The following RIC1 variants were observed in gnomAD, a reference collection of about 807,000 sequenced individuals.
RIC1 encodes the protein guanine nucleotide exchange factor subunit RIC1.
RIC1 carries 88 observed loss-of-function variants against 169.0 expected under a neutral mutation model. The observed-to-expected ratio is 0.52, with a 90% CI of 0.44 to 0.62. RIC1 has a LOEUF of 0.62. Ranked by LOEUF, RIC1 falls within the 20% of genes least tolerant of loss-of-function variation. The pLI is 0.00. For synonymous variants in RIC1, 790 were observed against 601.5 expected (o/e 1.31, Z -4.59); for missense variants, 1,877 against 1,725.5 (o/e 1.09, Z -1.56).
chr9:5,743,602 C>T (rs762685398), intron 9 of RIC1, 87 bp from the exon 10 acceptor site: 29 of 1,053,012 alleles, frequency 2.8e-5, no homozygotes, highest in South Asian at 4.3e-5. Context: ...GAGCAAAATC[C>T]GTTTGATTTT....
chr9:5,691,880 A>G (rs1026349336), intron 3 of RIC1, among the ~76,000 whole-genome samples: 3 of 152,050 alleles, frequency 2.0e-5, no homozygotes, highest in Non-Finnish European at 4.4e-5. Flanking sequence ...TCAGTTCACT[A>G]ATACCATTAC....
intron 1 of RIC1, among the ~76,000 whole-genome samples, chr9:5,630,668 G>C (rs1817674564): frequency 6.6e-6 from 1 of 152,064 alleles, no homozygotes; most frequent in African/African-American, 2.4e-5. Context: ...ATGCAAATCA[G>C]AACAAAACAA....
chr9:5,767,548 G>T (rs925896533), intron 21 of RIC1, among the ~76,000 whole-genome samples: 1 of 151,252 alleles, frequency 6.6e-6, no homozygotes. Context: ...TGGGCACATA[G>T]TGAGAGCTTA....
At chr9:5,717,327 T>C (rs931109810) in intron 4 of RIC1, among the ~76,000 whole-genome samples, 3 of 152,126 alleles carry the variant, frequency 2.0e-5, no homozygotes. Context: ...TCTAGGGAGA[T>C]AGGGTTAGGG....
At chr9:5,694,660 CT>C (rs1821783781) in intron 3 of RIC1, among the ~76,000 whole-genome samples, 2 of 152,206 alleles carry the variant, frequency 1.3e-5, no homozygotes, top group African/African-American at 4.8e-5. Flanking sequence ...ATTGGCCACA[CT>C]TCCAAGGATG....
Position 5,762,591 on chromosome 9 carries a change from G to A in RIC1, c.2043G>A (p.Met681Ile). 6.2e-7 allele frequency: 1 copy of A among 1,614,050 alleles called. No individual in the cohort carries two copies. Residue 681 changes from methionine (M) to isoleucine (I), a missense_variant, in exon 18 of 26, where the codon ATG becomes ATA. By Grantham distance (10) the Met-to-Ile change is conservative (BLOSUM62 1). Around this residue, in one of 3 missense-constraint regions of RIC1, gnomAD observed 1,104 missense variants for 992.0 expected, o/e 1.11. Coordinates refer to ENST00000414202, the MANE Select transcript of RIC1 (RefSeq NM_020829.4). ...TAAACCTGGCAGGACAGCTCATCAT[G>A]ATGCAGAGGGACAGGTCAGGCCCAC... is the stretch of plus-strand genomic sequence containing the variant. The part of the protein sequence containing the change: ...IMLNLAGQLI[M>I]MQRDRSGPQI...
intron 3 of RIC1, among the ~76,000 whole-genome samples, chr9:5,708,555 A>G (rs967717547): frequency 2.0e-5 from 3 of 152,104 alleles, no homozygotes; most frequent in African/African-American, 7.2e-5. Context: ...ATATTTCAGC[A>G]CTTGAAATAT....
intron 12 of RIC1, among the ~76,000 whole-genome samples, chr9:5,747,748 TTA>T (rs1232560117): frequency 6.6e-6 from 1 of 152,234 alleles, no homozygotes; most frequent in African/African-American, 2.4e-5. Flanking sequence ...AACTAGAAGT[TTA>T]TGTTTTGCCT....
chr9:5,673,884 TACA>T (rs1820276816), intron 2 of RIC1, among the ~76,000 whole-genome samples: 2 of 152,244 alleles, frequency 1.3e-5, no homozygotes, highest in East Asian at 3.9e-4. Context: ...GTTAAGTTTA[TACA>T]ACATTTGTGA....
chr9:5,678,551 G>A (rs1441478909), intron 2 of RIC1, among the ~76,000 whole-genome samples: 5 of 152,014 alleles, frequency 3.3e-5, no homozygotes, highest in Admixed American at 3.3e-4. Context: ...TAACTGGTGT[G>A]AGATGATATC....
chr9:5,729,369 ACTTCT>A (rs1824214763), intron 6 of RIC1, among the ~76,000 whole-genome samples: 2 of 152,104 alleles, frequency 1.3e-5, no homozygotes, highest in African/African-American at 2.4e-5. Context: ...GTTTTGAACC[ACTTCT>A]ACTACATTTA....
chr9:5,663,210 G>T (rs928334585), intron 2 of RIC1, among the ~76,000 whole-genome samples: 14 of 152,116 alleles, frequency 9.2e-5, no homozygotes, highest in African/African-American at 3.1e-4. Context: ...TATCATTTCA[G>T]TTCTTTTGCA....
chr9:5,695,426 C>A (rs1407239745), intron 3 of RIC1, among the ~76,000 whole-genome samples: 1 of 152,126 alleles, frequency 6.6e-6, no homozygotes, highest in Non-Finnish European at 1.5e-5. Context: ...TTTATTCACT[C>A]TTCCTGCCCA....
At chr9:5,629,766 C>T (rs916200504) in intron 1 of RIC1, among the ~76,000 whole-genome samples, 3 of 152,324 alleles carry the variant, frequency 2.0e-5, no homozygotes, top group Non-Finnish European at 4.4e-5. Flanking sequence ...TTCTTCTCTC[C>T]CTTCCCCCAT....
chr9:5,663,867 T>G (rs1006069708), intron 2 of RIC1, among the ~76,000 whole-genome samples: 1 of 152,190 alleles, frequency 6.6e-6, no homozygotes, highest in African/African-American at 2.4e-5. Context: ...TAGTTGGTTA[T>G]TTTGCAGACT....
intron 17 of RIC1, among the ~76,000 whole-genome samples, chr9:5,761,719 T>G (rs966297053): frequency 3.3e-5 from 5 of 152,216 alleles, no homozygotes; most frequent in Non-Finnish European, 5.9e-5. Flanking sequence ...AAATGTTCCT[T>G]CCTCTTTACA....
In RIC1 at chr9:5,664,180, C is replaced by T. The variant is rs755348772; in HGVS notation, c.252+7490C>T. Reference sequence around the variant, plus strand: ...ATCCCAGCACTTTGGGAGGCCAAGGCGGGCGGATAACGAGGTCAAGAGATC... The same window carrying T: ...ATCCCAGCACTTTGGGAGGCCAAGGTGGGCGGATAACGAGGTCAAGAGATC... On this transcript the variant is annotated intron_variant, in intron 2 of 25. Coordinates refer to ENST00000414202, the MANE Select transcript of RIC1 (RefSeq NM_020829.4). 2.2e-4 allele frequency among the ~76,000 whole-genome samples: 34 copies of T among 151,916 alleles called. 1 individual carries two copies. Among genetic ancestry groups the T allele is most frequent in the South Asian group, 8.3e-4 (4 of 4,806 alleles).
At chr9:5,706,806 A>T (rs184278827) in intron 3 of RIC1, among the ~76,000 whole-genome samples, 3 of 152,206 alleles carry the variant, frequency 2.0e-5, no homozygotes, top group Non-Finnish European at 4.4e-5. Context: ...TCCCACTTTC[A>T]TTTCAGACTT....
intron 22 of RIC1, among the ~76,000 whole-genome samples, chr9:5,769,828 A>T (rs909727630): frequency 6.6e-6 from 1 of 152,244 alleles, no homozygotes; most frequent in South Asian, 2.1e-4. Flanking sequence ...CACTTAGAAG[A>T]TCAACATAAT....
Sources: gnomAD v4.1 joint callset for allele counts (sites outside exome capture counted in the v4.1 genomes callset) on GRCh38, gnomAD v4.1.1 for gene constraint, gnomAD v4.1.1 regional missense constraint, MANE v1.5 for transcripts, NCBI Gene and HGNC (gene_info 2026-07-23, HGNC 2026-07-21) for gene names.